The following PASK variants were observed in gnomAD, a reference collection of about 807,000 sequenced individuals.
The protein encoded by PASK is PAS domain containing serine/threonine kinase.
PASK carries 110 observed loss-of-function variants against 121.0 expected under a neutral mutation model. The ratio of observed to expected loss-of-function variants is 0.91; its 90% CI spans 0.78 to 1.06. The LOEUF (loss-of-function observed/expected upper bound fraction) is 1.06, where lower values mean the gene tolerates loss of function less well. Ranked by LOEUF, PASK falls within the 50% of genes least tolerant of loss-of-function variation. The probability of loss-of-function intolerance (pLI) is 0.00; values close to 1 mark genes in which losing one functional copy is unlikely to be tolerated. For missense variants in PASK, 1,643 were observed against 1,702.3 expected (o/e 0.97, Z 0.61); for synonymous variants, 686 against 717.8 (o/e 0.96, Z 0.71).
intron 10 of PASK, 72 bp from the exon 11 acceptor site, chr2:241,124,205 G>A (rs1411014399): frequency 1.6e-6 from 2 of 1,279,170 alleles, no homozygotes; most frequent in Middle Eastern, 1.9e-4. Context: ...GGTTAGAAAA[G>A]TCCAGTCCCC....
Position 241,144,103 on chromosome 2 carries a change from CGT to C in PASK, c.-42-1031_-42-1030del, listed in dbSNP as rs970261728. ...GCAGGTGTGTGTGTGTGTGGGTGTG[CGT>C]GTGTGTCCGTGCGTGTGTGTGCGTG... On this transcript the variant is annotated intron_variant, in intron 1 of 17. Coordinates refer to ENST00000234040, the MANE Select transcript of PASK (RefSeq NM_015148.4). Among the ~76,000 whole-genome samples, 22 of 151,706 alleles carry C rather than the reference CGT, an allele frequency of 1.5e-4. 1 individual carries two copies. The highest frequency in any genetic ancestry group is 8.3e-4 in the South Asian group (4 of 4,800).
intron 12 of PASK, among the ~76,000 whole-genome samples, chr2:241,116,972 C>T (rs756349632): frequency 6.6e-6 from 1 of 152,204 alleles, no homozygotes; most frequent in South Asian, 2.1e-4. Flanking sequence ...GAGTGAGTCC[C>T]GGGAAGGCAG....
At chr2:241,124,940 G>A (rs2065787174) in intron 10 of PASK, among the ~76,000 whole-genome samples, 1 of 152,152 alleles carries the variant, frequency 6.6e-6, no homozygotes, top group African/African-American at 2.4e-5. Context: ...GCCGAGGCGG[G>A]CGGATCACGA....
chr2:241,149,035 C>T (rs865828710), intron 1 of PASK, among the ~76,000 whole-genome samples: 4 of 152,208 alleles, frequency 2.6e-5, no homozygotes, highest in Middle Eastern at 3.4e-3. Context: ...AGGAGGCTGG[C>T]GGGATCCGGG....
rs544814815 is a variant in PASK at position 241,137,401 on chromosome 2, G to A, written c.877-137C>T. The A allele has an allele frequency of 1.3e-3, 1,016 of 760,186 alleles. 1 individual carries two copies. Among genetic ancestry groups the A allele is most frequent in the Non-Finnish European group, 2.0e-3 (837 of 420,692 alleles). The allele number at this position is 760,186 out of a possible 1,614,324, so 47.1% of individuals were successfully genotyped here. ...GGACATCTCACACCCACACTGCTCT[G>A]CCTTCCCTCTCCTCCCAGGCCCAGC... On this transcript the variant is annotated intron_variant, in intron 6 of 17. Coordinates refer to ENST00000234040, the MANE Select transcript of PASK (RefSeq NM_015148.4).
intron 1 of PASK, among the ~76,000 whole-genome samples, chr2:241,143,620 G>GGA (rs146389793): frequency 0.017 from 2,640 of 152,182 alleles, 71 homozygotes; most frequent in African/African-American, 0.06. Context: ...AAAGAGGGAA[G>GGA]GAGAGAGAGA....
chr2:241,148,955 G>T (rs2067122226), intron 1 of PASK, among the ~76,000 whole-genome samples: 1 of 150,394 alleles, frequency 6.6e-6, no homozygotes, highest in Non-Finnish European at 1.5e-5. Flanking sequence ...CTGTAACCAC[G>T]AGCGCCGGCG....
intron 9 of PASK, among the ~76,000 whole-genome samples, chr2:241,128,969 G>C (rs1215159541): frequency 6.6e-6 from 1 of 151,806 alleles, no homozygotes; most frequent in African/African-American, 2.4e-5. Context: ...GGGGAACTGA[G>C]GGGGAGGCTG....
intron 10 of PASK, among the ~76,000 whole-genome samples, chr2:241,125,472 T>C (rs150538020): frequency 0.043 from 6,326 of 146,322 alleles, 445 homozygotes; most frequent in African/African-American, 0.15. Context: ...TGCTGGTGGG[T>C]GCCTGTAGTC....
intron 1 of PASK, among the ~76,000 whole-genome samples, chr2:241,149,099 G>A (rs895445886): frequency 2.8e-4 from 43 of 152,070 alleles, no homozygotes; most frequent in Admixed American, 2.0e-3. Context: ...GAGAGCGCAG[G>A]GTCCCGAGGC....
chr2:241,128,455 G>A (rs1316236637), intron 9 of PASK, among the ~76,000 whole-genome samples: 1 of 152,240 alleles, frequency 6.6e-6, no homozygotes, highest in Non-Finnish European at 1.5e-5. Flanking sequence ...CAGGCCTCCT[G>A]TCAGCCCAGC....
At position 241,127,192 on chromosome 2, in the gene PASK, G is replaced by T. The variant is rs770342439; in HGVS notation, c.1723C>A (p.Arg575=). ...CCGCTGGGACCACTGACTCCCATCC[G>T]CTCTAGCTGGGCCTTCTGACACAGG... ...CGLCQKAQLE[R]MGVSGPSGSD... is the part of the protein sequence containing the mutation. The change falls in exon 10 of 18, where the codon CGG becomes AGG. Residue 575 remains arginine, a synonymous_variant. Coordinates refer to ENST00000234040, the MANE Select transcript of PASK (RefSeq NM_015148.4). 6.2e-7 allele frequency: 1 copy of T among 1,614,204 alleles called. No individual in the cohort carries two copies. Among genetic ancestry groups the T allele is most frequent in the South Asian group, 1.1e-5 (1 of 91,084 alleles).
At chr2:241,134,371 G>C (rs192510377) in intron 8 of PASK, 2 of 152,256 alleles carry the variant, frequency 1.3e-5, no homozygotes, top group East Asian at 3.9e-4. Flanking sequence ...ACAATGAAGG[G>C]AACCACATGC....
chr2:241,150,171 C>G, upstream of PASK: 3 of 1,273,740 alleles, frequency 2.4e-6, no homozygotes, highest in Admixed American at 3.9e-5. Flanking sequence ...CCCAGGGCGT[C>G]TCTCCACTCT....
rs151273822 is a variant in PASK, at chr2:241,126,576, T to A, written c.2339A>T (p.Asp780Val). ...CCCCTGTTCCTGGAGACTGCCTACA[T>A]CTGGATCGGAGCCCACTGCCAAGGA... is the stretch of plus-strand genomic sequence containing the variant. ...PSSLAVGSDP[D>V]VGSLQEQGSC... The change falls in exon 10 of 18, where the codon GAT (aspartate) becomes GTT (valine). Residue 780 changes from aspartate (D) to valine (V), a missense_variant. Asp to Val is a radical substitution (Grantham distance 152). Around this residue, in one of 3 missense-constraint regions of PASK, gnomAD observed 1,176 missense variants for 1,162.2 expected, o/e 1.01. Transcript: ENST00000234040. The A allele has an allele frequency of 9.4e-5, 152 of 1,614,248 alleles. 3 individuals carry two copies. In the South Asian group the frequency reaches 1.5e-3, roughly 16 times the overall value.
At chr2:241,138,818 C>G (rs756345135) in intron 4 of PASK, 24 bp from the exon 5 acceptor site, 68 of 1,613,204 alleles carry the variant, frequency 4.2e-5, no homozygotes, top group Non-Finnish European at 5.8e-5. Context: ...CAGGTTCACA[C>G]CTGCATGCCA....
intron 2 of PASK, among the ~76,000 whole-genome samples, chr2:241,141,869 G>A (rs946477240): frequency 5.3e-5 from 8 of 151,866 alleles, no homozygotes; most frequent in Admixed American, 3.3e-4. Flanking sequence ...AGCCACTCTC[G>A]CCCCTGCTCT....
upstream of PASK, chr2:241,149,622 G>A: frequency 3.3e-6 from 5 of 1,535,678 alleles, no homozygotes; most frequent in Non-Finnish European, 4.4e-6. Context: ...CACCCCTACG[G>A]CGCTTCGGAG....
chr2:241,138,581 C>A, intron 5 of PASK, 73 bp downstream of exon 5: 1 of 1,531,772 alleles, frequency 6.5e-7, no homozygotes, highest in Non-Finnish European at 9.0e-7. Context: ...GAGACAGGGA[C>A]CAGCACTTGC....
Sources: allele counts gnomAD v4.1 joint callset (sites outside exome capture counted in the v4.1 genomes callset), GRCh38; gene constraint gnomAD v4.1.1; regional missense constraint gnomAD v4.1.1; transcripts MANE v1.5; gene names NCBI Gene and HGNC (gene_info 2026-07-23, HGNC 2026-07-21).